The following CLYBL variants were observed in gnomAD, a reference collection of about 807,000 sequenced individuals.
CLYBL encodes citramalyl-CoA lyase.
A neutral mutation model predicts 38.9 loss-of-function variants in CLYBL; 31 were observed. That is an observed-to-expected ratio of 0.80 (90% confidence interval 0.60 to 1.08). CLYBL has a LOEUF of 1.08. Ranked by LOEUF, CLYBL falls within the 50% of genes least tolerant of loss-of-function variation. The pLI, the probability that CLYBL is intolerant of heterozygous loss-of-function variation, is 0.00. For synonymous variants in CLYBL, 171 were observed against 158.6 expected (o/e 1.08, Z -0.59); for missense variants, 434 against 411.6 (o/e 1.05, Z -0.47).
At chr13:99,711,872 C>A (rs2390303) in intron 1 of CLYBL, among the ~76,000 whole-genome samples, 1 of 151,682 alleles carries the variant, frequency 6.6e-6, no homozygotes, top group East Asian at 1.9e-4. Context: ...CCCACCATCA[C>A]GCCCGGCTAA....
At chr13:99,695,295 CT>C in intron 1 of CLYBL, among the ~76,000 whole-genome samples, 1 of 152,126 alleles carries the variant, frequency 6.6e-6, no homozygotes, top group East Asian at 1.9e-4. Flanking sequence ...GCTGACACCC[CT>C]ATAACAAAAG....
chr13:99,753,015 G>A (rs1019851988), intron 1 of CLYBL, among the ~76,000 whole-genome samples: 6 of 152,124 alleles, frequency 3.9e-5, no homozygotes, highest in African/African-American at 1.4e-4. Flanking sequence ...GGGGGCATGG[G>A]GAAGGTCCTG....
At chr13:99,652,066 C>G (rs2047262760) in intron 1 of CLYBL, among the ~76,000 whole-genome samples, 1 of 152,208 alleles carries the variant, frequency 6.6e-6, no homozygotes, top group Non-Finnish European at 1.5e-5. Context: ...GACATGAATC[C>G]TTCTCCATTG....
chr13:99,637,175 A>G (rs1052401447), intron 1 of CLYBL, among the ~76,000 whole-genome samples: 1 of 152,108 alleles, frequency 6.6e-6, no homozygotes, highest in African/African-American at 2.4e-5. Context: ...TGTCCAACCT[A>G]ATTTAAACTT....
intron 1 of CLYBL, among the ~76,000 whole-genome samples, chr13:99,612,454 C>G (rs1158141057): frequency 7.2e-6 from 1 of 139,676 alleles, no homozygotes; most frequent in African/African-American, 2.7e-5. Flanking sequence ...CTGATGCAAT[C>G]TTGGCTCACT....
chr13:99,625,856 G>A (rs2046862114), intron 1 of CLYBL, among the ~76,000 whole-genome samples: 1 of 152,240 alleles, frequency 6.6e-6, no homozygotes, highest in African/African-American at 2.4e-5. Context: ...TAAGAAGAGA[G>A]AAGGGAAGAA....
At chr13:99,818,419 G>A (rs2050503045) in intron 2 of CLYBL, among the ~76,000 whole-genome samples, 1 of 147,956 alleles carries the variant, frequency 6.8e-6, no homozygotes. Context: ...TGGCAGCCAG[G>A]ACCCCTGAAG....
At chr13:99,665,841 A>G (rs1440075725) in intron 1 of CLYBL, among the ~76,000 whole-genome samples, 1 of 152,240 alleles carries the variant, frequency 6.6e-6, no homozygotes, top group African/African-American at 2.4e-5. Flanking sequence ...TGGGATTCTC[A>G]GATCGTGCAC....
chr13:99,651,021 C>T (rs926320925), intron 1 of CLYBL, among the ~76,000 whole-genome samples: 1 of 152,190 alleles, frequency 6.6e-6, no homozygotes, highest in Admixed American at 6.5e-5. Flanking sequence ...GCTGCTTCTC[C>T]CTACAGAGCC....
chr13:99,718,989 T>C lies in CLYBL; in HGVS notation c.63-53835T>C, dbSNP rs558681248. 2.0e-5 allele frequency among the ~76,000 whole-genome samples: 3 copies of C among 151,794 alleles called. 1 individual carries two copies. Among genetic ancestry groups the C allele is most frequent in the African/African-American group, 7.2e-5 (3 of 41,380 alleles). On this transcript the variant is annotated intron_variant, in intron 1 of 8. Coordinates refer to ENST00000339105, the MANE Select transcript of CLYBL (RefSeq NM_206808.5). ...TCCCCAGTAGCTGGGATTACAGGCA[T>C]GCACCACCACGCCTGGCTTATTTTG...
downstream of CLYBL, chr13:99,894,425 GC>G (rs994010724): frequency 4.6e-5 from 7 of 152,234 alleles, no homozygotes; most frequent in African/African-American, 1.4e-4. Context: ...AAGCCGCTTA[GC>G]CATATCACCC....
At chr13:99,781,251 A>G (rs2049644980) in intron 2 of CLYBL, among the ~76,000 whole-genome samples, 1 of 151,412 alleles carries the variant, frequency 6.6e-6, no homozygotes, top group African/African-American at 2.4e-5. Flanking sequence ...GCTCACTGCT[A>G]GCTCCGCCTC....
At chr13:99,788,827 G>A (rs1377534837) in intron 2 of CLYBL, among the ~76,000 whole-genome samples, 1 of 152,142 alleles carries the variant, frequency 6.6e-6, no homozygotes, top group Non-Finnish European at 1.5e-5. Context: ...AATCCGTCTG[G>A]TCCTGGACTT....
chr13:99,750,629 G>A (rs1160922231), intron 1 of CLYBL, among the ~76,000 whole-genome samples: 3 of 150,772 alleles, frequency 2.0e-5, no homozygotes, highest in East Asian at 2.0e-4. Flanking sequence ...AGCCGAGATC[G>A]TGCCACTGCA....
intron 2 of CLYBL, among the ~76,000 whole-genome samples, chr13:99,840,847 A>C (rs2051059189): frequency 6.6e-6 from 1 of 151,264 alleles, no homozygotes; most frequent in Admixed American, 6.6e-5. Flanking sequence ...GTTAAACAGT[A>C]CCAAGGTAGT....
intron 1 of CLYBL, among the ~76,000 whole-genome samples, chr13:99,698,573 G>A (rs1432885261): frequency 6.6e-6 from 1 of 152,162 alleles, no homozygotes; most frequent in African/African-American, 2.4e-5. Context: ...CAGTTCTCAT[G>A]TTAAGTAATT....
intron 2 of CLYBL, among the ~76,000 whole-genome samples, chr13:99,781,468 C>T (rs1008138234): frequency 6.6e-6 from 1 of 151,760 alleles, no homozygotes; most frequent in Admixed American, 6.6e-5. Flanking sequence ...CTGCACCCAG[C>T]CAAATTTTTT....
chr13:99,651,028 A>G (rs1307537130), intron 1 of CLYBL, among the ~76,000 whole-genome samples: 1 of 151,990 alleles, frequency 6.6e-6, no homozygotes, highest in Non-Finnish European at 1.5e-5. Context: ...CTCCCTACAG[A>G]GCCCTCCTCT....
intron 1 of CLYBL, among the ~76,000 whole-genome samples, chr13:99,702,485 A>G (rs2048082092): frequency 6.6e-6 from 1 of 152,014 alleles, no homozygotes; most frequent in South Asian, 2.1e-4. Flanking sequence ...TACAAAAATT[A>G]GCCGGGCGTG....
Sources: allele counts gnomAD v4.1 joint callset (sites outside exome capture counted in the v4.1 genomes callset), GRCh38; gene constraint gnomAD v4.1.1; transcripts MANE v1.5; gene names NCBI Gene and HGNC (gene_info 2026-07-23, HGNC 2026-07-21).